Variants in DLST observed in about 807,000 individuals in gnomAD.
DLST encodes the protein dihydrolipoyllysine-residue succinyltransferase component of 2-oxoglutarate dehydrogenase complex, mitochondrial.
In DLST, 17 loss-of-function variants were observed where a neutral mutation model predicts 53.1. That is an observed-to-expected ratio of 0.32 (90% CI 0.22 to 0.48). The LOEUF (loss-of-function observed/expected upper bound fraction) is 0.48. Ranked by LOEUF, DLST falls within the 20% of genes least tolerant of loss-of-function variation. DLST has a pLI of 0.99. For missense variants in DLST, 512 were observed against 583.9 expected (o/e 0.88, Z 1.27); for synonymous variants, 206 against 204.8 (o/e 1.01, Z -0.05).
chr14:74,890,342 T>C (rs1419088159), intron 6 of DLST, among the ~76,000 whole-genome samples: 1 of 152,142 alleles, frequency 6.6e-6, no homozygotes, highest in Non-Finnish European at 1.5e-5. Context: ...GGTCTCAAAC[T>C]CTTGACCTCA....
At chr14:74,888,274 GT>G (rs55729619) in intron 3 of DLST, among the ~76,000 whole-genome samples, 42,727 of 131,674 alleles carry the variant, frequency 0.32, 6,120 homozygotes, top group Middle Eastern at 0.35. Flanking sequence ...TTGTTTTTGG[GT>G]TTTTTTTTTT....
At chr14:74,891,819 A>G (rs1883918222) in intron 7 of DLST, 1 of 985,334 alleles carries the variant, frequency 1.0e-6, no homozygotes, top group South Asian at 4.7e-5. Context: ...TGTTACACTA[A>G]TAAGGCAGAT....
At chr14:74,885,907 GA>G in intron 3 of DLST, 1 of 359,140 alleles carries the variant, frequency 2.8e-6, no homozygotes, top group Non-Finnish European at 5.0e-6. Flanking sequence ...CTTTTTATGG[GA>G]TATAGAAGGG....
At chr14:74,894,224 G>T (rs1312536603) in intron 9 of DLST, 88 bp from the exon 10 acceptor site, 5 of 1,509,872 alleles carry the variant, frequency 3.3e-6, no homozygotes, top group Admixed American at 1.8e-5. Flanking sequence ...CCATCTACTC[G>T]TGGCAAGCCG....
Position 74,893,127 on chromosome 14 carries a change from A to G in DLST, c.595+141A>G, listed in dbSNP as rs1039592369. The G allele has an allele frequency of 6.8e-5, 80 of 1,183,704 alleles. No individual in the cohort carries two copies. In the African/African-American group the frequency reaches 8.9e-4, roughly 13 times the overall value. 73.3% of individuals were successfully genotyped at this position (1,183,704 alleles called of 1,614,324 possible). On this transcript the variant is annotated intron_variant, in intron 8 of 14. Coordinates refer to ENST00000334220, the MANE Select transcript of DLST (RefSeq NM_001933.5). ...GAAAGAATTCTAGACTTTGTATCCA[A>G]AGGCCTGCTTTGCATCTCAGCTTTC...
chr14:74,884,813 G>T (rs996192613), intron 2 of DLST, among the ~76,000 whole-genome samples: 2 of 152,180 alleles, frequency 1.3e-5, no homozygotes, highest in African/African-American at 2.4e-5. Flanking sequence ...CATTTGGTGT[G>T]TCCTGAGCCC....
chr14:74,884,497 A>G (rs574048581), intron 2 of DLST, among the ~76,000 whole-genome samples: 3 of 152,296 alleles, frequency 2.0e-5, no homozygotes, highest in South Asian at 4.1e-4. Context: ...CTTATATGAA[A>G]TGGGAATAAT....
At chr14:74,891,691 T>G (rs1042465305) in intron 7 of DLST, 10 of 983,868 alleles carry the variant, frequency 1.0e-5, no homozygotes, top group Non-Finnish European at 1.1e-5. Context: ...GATTAGAGAT[T>G]AATAACTTTA....
chr14:74,896,179 C>G (rs1421331414), intron 10 of DLST, among the ~76,000 whole-genome samples: 1 of 152,220 alleles, frequency 6.6e-6, no homozygotes, highest in Non-Finnish European at 1.5e-5. Flanking sequence ...AACAGGTCTT[C>G]AAGAGTGACT....
At chr14:74,882,474 G>C (rs1052482401) in intron 1 of DLST, 117 bp from the exon 2 acceptor site, 1 of 974,394 alleles carries the variant, frequency 1.0e-6, no homozygotes. Context: ...TTTACCTTCG[G>C]AGTTACGAGA....
In DLST at chr14:74,885,619, A is replaced by G. The variant is rs981845288; in HGVS notation, c.131A>G (p.Asn44Ser). ...TTATGCCAGGGACCAGGTTACCCTAACAGCAGGAAGGTTGTGTAAGTATCA... is the reference window on the plus strand; with the variant it reads ...TTATGCCAGGGACCAGGTTACCCTAGCAGCAGGAAGGTTGTGTAAGTATCA... Reference protein sequence around the residue: ...VSLCQGPGYPNSRKVVINNSV... With the variant: ...VSLCQGPGYPSSRKVVINNSV... Residue 44 changes from asparagine (N) to serine (S), a missense_variant, in exon 3 of 15, where the codon AAC becomes AGC. Coordinates refer to ENST00000334220, the MANE Select transcript of DLST (RefSeq NM_001933.5). The G allele has an allele frequency of 1.9e-6, 3 of 1,613,692 alleles. No individual in the cohort carries two copies. Among genetic ancestry groups the G allele is most frequent in the Admixed American group, 1.7e-5 (1 of 59,970 alleles).
At chr14:74,892,097 T>G (rs1883929262) in intron 7 of DLST, 1 of 155,696 alleles carries the variant, frequency 6.4e-6, no homozygotes, top group South Asian at 2.0e-4. Context: ...ACTATTTTAT[T>G]TTTTGAGATG....
At chr14:74,889,401 G>A (rs774035051) in intron 5 of DLST, 52 bp downstream of exon 5, 18 of 1,384,898 alleles carry the variant, frequency 1.3e-5, no homozygotes, top group African/African-American at 8.5e-5. Context: ...ACAGAGTCTT[G>A]CTCTGTTCCC....
At chr14:74,889,776 A>G in intron 5 of DLST, 121 bp from the exon 6 acceptor site, 1 of 895,148 alleles carries the variant, frequency 1.1e-6, no homozygotes, top group South Asian at 1.5e-5. Flanking sequence ...TTCTTTACAT[A>G]TGTACTTTCT....
chr14:74,885,651 A>C lies in DLST; in HGVS notation c.146+17A>C. 1 of 1,600,306 alleles carries C rather than the reference A, an allele frequency of 6.2e-7. No homozygotes were observed. On this transcript the variant is annotated intron_variant, in intron 3 of 14. Coordinates refer to ENST00000334220, the MANE Select transcript of DLST (RefSeq NM_001933.5). ...GAAGGTTGTGTAAGTATCACTGGGGAGTACAGATATGTGGCCACGGGTTAT... is the reference window on the plus strand; with the variant it reads ...GAAGGTTGTGTAAGTATCACTGGGGCGTACAGATATGTGGCCACGGGTTAT...
At position 74,892,717 on chromosome 14, in the gene DLST, C is replaced by G. The variant is rs527619346; in HGVS notation, c.443-117C>G. On this transcript the variant is annotated intron_variant, in intron 7 of 14. Coordinates refer to ENST00000334220, the MANE Select transcript of DLST (RefSeq NM_001933.5). ...GTGTCTCATAGTGCTTTGCATATTGCTGATACCCAGTAGACATTCGTTACT... is the reference window on the plus strand; with the variant it reads ...GTGTCTCATAGTGCTTTGCATATTGGTGATACCCAGTAGACATTCGTTACT... 4.3e-5 allele frequency: 43 copies of G among 1,003,542 alleles called. No individual in the cohort carries two copies. The African/African-American group carries it at 7.0e-4, about 16-fold the overall frequency. The allele number at this position is 1,003,542 out of a possible 1,614,324, so 62.2% of individuals were successfully genotyped here. A position where few individuals can be genotyped will look rare whatever the true frequency, so the allele number is the denominator to read the frequency against.
At chr14:74,885,148 C>T (rs1337090630) in intron 2 of DLST, among the ~76,000 whole-genome samples, 2 of 152,176 alleles carry the variant, frequency 1.3e-5, no homozygotes. Flanking sequence ...AAACCCAGAC[C>T]AAACATCCTC....
intron 11 of DLST, among the ~76,000 whole-genome samples, chr14:74,899,605 G>C (rs1884177343): frequency 1.3e-5 from 2 of 152,138 alleles, no homozygotes; most frequent in African/African-American, 4.8e-5. Flanking sequence ...TGCTAAAGGA[G>C]GGCTTGACTA....
intron 6 of DLST, among the ~76,000 whole-genome samples, chr14:74,890,420 C>T (rs552584904): frequency 3.2e-4 from 48 of 152,182 alleles, no homozygotes; most frequent in African/African-American, 1.1e-3. Context: ...ACCTGACCTG[C>T]ATTTAACTTT....
Sources: gnomAD v4.1 joint callset for allele counts (sites outside exome capture counted in the v4.1 genomes callset) on GRCh38, gnomAD v4.1.1 for gene constraint, MANE v1.5 for transcripts, NCBI Gene and HGNC (gene_info 2026-07-23, HGNC 2026-07-21) for gene names.